NR3C2: variants seen among roughly 807,000 people sequenced by gnomAD.
NR3C2 encodes mineralocorticoid receptor.
A neutral mutation model predicts 86.4 loss-of-function variants in NR3C2; 15 were observed. That is an observed-to-expected ratio of 0.17 (90% CI 0.12 to 0.27). NR3C2 has a LOEUF of 0.27. NR3C2 is among the 10% of genes least tolerant of loss of function. The probability of loss-of-function intolerance (pLI) is 1.00; values close to 1 mark genes in which losing one functional copy is unlikely to be tolerated. For missense variants in NR3C2, 960 were observed against 1,195.6 expected, an observed-to-expected ratio of 0.80 and a Z score of 2.91; for synonymous variants, 458 against 450.5, an observed-to-expected ratio of 1.02 and a Z score of -0.21.
Position 148,080,712 on chromosome 4 carries a change from TTAACATCATCTTATCCATTC to T in NR3C2, c.*612_*631del. Reference sequence around the variant, plus strand: ...GATACTAGAAATCAAACCAAGGCATTTAACATCATCTTATCCATTCTAATTAAATAAGAAATGGACGCTAA... The same window carrying T: ...GATACTAGAAATCAAACCAAGGCATTTAATTAAATAAGAAATGGACGCTAA... On this transcript the variant is annotated 3_prime_UTR_variant, in exon 9 of 9. Coordinates refer to ENST00000358102, the MANE Select transcript of NR3C2 (RefSeq NM_000901.5). 1 of 303,632 alleles carries T rather than the reference TTAACATCATCTTATCCATTC, an allele frequency of 3.3e-6. No homozygotes were observed. Among genetic ancestry groups the T allele is most frequent in the Non-Finnish European group, 7.0e-6 (1 of 143,672 alleles). 18.8% of individuals were successfully genotyped at this position (303,632 alleles called of 1,614,324 possible). A position where few individuals can be genotyped will look rare whatever the true frequency, so the allele number is the denominator to read the frequency against.
At chr4:148,164,399 A>G (rs749323781) in intron 4 of NR3C2, among the ~76,000 whole-genome samples, 15 of 152,314 alleles carry the variant, frequency 9.8e-5, no homozygotes, top group Middle Eastern at 3.4e-3. Flanking sequence ...AGACAAATAT[A>G]TCATTATTTA....
chr4:148,304,321 GT>G (rs1348566905), intron 2 of NR3C2, among the ~76,000 whole-genome samples: 1 of 101,844 alleles, frequency 9.8e-6, no homozygotes, highest in Non-Finnish European at 2.0e-5. Context: ...GGTAAAAGTT[GT>G]TGTTGCTTTT....
chr4:148,121,445 T>C, intron 6 of NR3C2, among the ~76,000 whole-genome samples: 1 of 152,242 alleles, frequency 6.6e-6, no homozygotes, highest in Admixed American at 6.5e-5. Flanking sequence ...AACACACACA[T>C]GCTAATAGCA....
In NR3C2 at chr4:148,080,872, T is replaced by TATTA. The variant is rs1730517625; in HGVS notation, c.*468_*471dup. ...CAACAGGAATCTGTATATATTTTTT[T>TATTA]ATTATTTTTTTGTGTTTTTTTAATA... On this transcript the variant is annotated 3_prime_UTR_variant, in exon 9 of 9. Transcript: ENST00000358102. 1.1e-5 allele frequency: 4 copies of TATTA among 353,696 alleles called. 1 individual carries two copies. Among genetic ancestry groups the TATTA allele is most frequent in the South Asian group, 6.4e-5 (3 of 47,160 alleles). The allele number at this position is 353,696 out of a possible 1,614,324, so 21.9% of individuals were successfully genotyped here.
At chr4:148,371,395 T>C (rs916138501) in intron 2 of NR3C2, among the ~76,000 whole-genome samples, 5 of 152,164 alleles carry the variant, frequency 3.3e-5, no homozygotes, top group Admixed American at 2.6e-4. Flanking sequence ...ATTTCTCCAG[T>C]CCTGTCTGCA....
Position 148,194,610 on chromosome 4 carries a change from T to A in NR3C2, c.2014+136A>T, listed in dbSNP as rs914558691. 8 of 648,194 alleles carry A rather than the reference T, an allele frequency of 1.2e-5. No homozygotes were observed. The South Asian group carries it at 1.4e-4, about 12-fold the overall frequency. 40.2% of individuals were successfully genotyped at this position (648,194 alleles called of 1,614,324 possible). A position where few individuals can be genotyped will look rare whatever the true frequency, so the allele number is the denominator to read the frequency against. ...ATTTCTCTTCTAAAATGTTTTAGCA[T>A]GAAAACAGAACTCATCAGATTTTCA... On this transcript the variant is annotated intron_variant, in intron 4 of 8. Coordinates refer to ENST00000358102, the MANE Select transcript of NR3C2 (RefSeq NM_000901.5).
chr4:148,097,862 C>G (rs2102324), intron 8 of NR3C2, among the ~76,000 whole-genome samples: 2,387 of 150,592 alleles, frequency 0.016, 75 homozygotes, highest in African/African-American at 0.056. Flanking sequence ...AAAGACTGGA[C>G]ACCCCTGGCT....
intron 2 of NR3C2, among the ~76,000 whole-genome samples, chr4:148,408,335 A>T (rs13129427): frequency 6.6e-6 from 1 of 152,186 alleles, no homozygotes; most frequent in South Asian, 2.1e-4. Context: ...CTGATAAAAA[A>T]CAAAAATATG....
chr4:148,378,367 C>T (rs1458291955), intron 2 of NR3C2, among the ~76,000 whole-genome samples: 1 of 150,792 alleles, frequency 6.6e-6, no homozygotes, highest in African/African-American at 2.5e-5. Context: ...ATACACCCCA[C>T]ACCCACCTCC....
At chr4:148,328,501 C>A (rs192211270) in intron 2 of NR3C2, among the ~76,000 whole-genome samples, 2 of 152,148 alleles carry the variant, frequency 1.3e-5, no homozygotes, top group East Asian at 1.9e-4. Flanking sequence ...GCCAAAGAAA[C>A]AGAAATGGTA....
At position 148,222,793 on chromosome 4, in the gene NR3C2, AT is replaced by A. The variant is rs1386811954; in HGVS notation, c.1898-27932del. The stretch of plus-strand genomic sequence containing the variant: ...TTGCTATTTATTTTACTGAAATTCA[AT>A]TAAACAAGTGTTTATTGATCATGTA... On this transcript the variant is annotated intron_variant, in intron 3 of 8. Transcript: ENST00000358102. 2.0e-5 allele frequency among the ~76,000 whole-genome samples: 3 copies of A among 152,216 alleles called. No individual in the cohort carries two copies. In the East Asian group the frequency reaches 5.8e-4, roughly 29 times the overall value.
At chr4:148,107,259 T>G (rs1481731312) in intron 8 of NR3C2, among the ~76,000 whole-genome samples, 2 of 152,202 alleles carry the variant, frequency 1.3e-5, no homozygotes, top group Non-Finnish European at 2.9e-5. Context: ...TCATCATCAC[T>G]GCTCATTAGA....
At chr4:148,285,230 A>G (rs956873406) in intron 2 of NR3C2, among the ~76,000 whole-genome samples, 25 of 152,328 alleles carry the variant, frequency 1.6e-4, no homozygotes, top group Middle Eastern at 3.4e-3. Context: ...TATCATGGAC[A>G]TGAAAATGCT....
chr4:148,148,961 G>A (rs983739352), intron 6 of NR3C2, among the ~76,000 whole-genome samples: 4 of 152,152 alleles, frequency 2.6e-5, no homozygotes, highest in African/African-American at 9.7e-5. Flanking sequence ...GCCATCCTCT[G>A]TAACTTACTG....
intron 6 of NR3C2, among the ~76,000 whole-genome samples, chr4:148,128,362 T>G (rs1189525750): frequency 6.6e-6 from 1 of 152,220 alleles, no homozygotes; most frequent in African/African-American, 2.4e-5. Context: ...TAGAAGTAGT[T>G]GATTTGAGAA....
intron 6 of NR3C2, among the ~76,000 whole-genome samples, chr4:148,146,213 C>A (rs1387146916): frequency 6.6e-6 from 1 of 152,170 alleles, no homozygotes; most frequent in Non-Finnish European, 1.5e-5. Context: ...CTGGCCCTAA[C>A]CCTGATGGGG....
rs1212058790 is a variant in NR3C2, at chr4:148,227,337, C to T, written c.1898-32475G>A. Among the ~76,000 whole-genome samples the T allele has an allele frequency of 2.0e-5, 3 of 152,114 alleles. No homozygotes were observed. In the East Asian group the frequency reaches 5.8e-4, roughly 29 times the overall value. On this transcript the variant is annotated intron_variant, in intron 3 of 8. Coordinates refer to ENST00000358102, the MANE Select transcript of NR3C2 (RefSeq NM_000901.5). ...AGAATTTAACAAGAGTGACGTTCTA[C>T]CCTTCTCAGTGCACAATTCCAGGTG...
chr4:148,277,442 C>A (rs143549693), intron 2 of NR3C2, among the ~76,000 whole-genome samples: 31 of 152,156 alleles, frequency 2.0e-4, no homozygotes, highest in African/African-American at 7.0e-4. Context: ...TAAGCCCAAG[C>A]ACAGTGCTGC....
chr4:148,261,976 G>A (rs1352262033), intron 2 of NR3C2, among the ~76,000 whole-genome samples: 1 of 152,120 alleles, frequency 6.6e-6, no homozygotes, highest in African/African-American at 2.4e-5. Context: ...CTCCTTCTGA[G>A]AAAAGTGCTC....
Sources: allele counts gnomAD v4.1 joint callset (sites outside exome capture counted in the v4.1 genomes callset), GRCh38; gene constraint gnomAD v4.1.1; transcripts MANE v1.5; gene names NCBI Gene and HGNC (gene_info 2026-07-23, HGNC 2026-07-21).